The following ZNF66 variants were observed in gnomAD, a reference collection of about 807,000 sequenced individuals.
ZNF66 encodes zinc finger protein 66, also known as putative zinc finger protein 66.
ZNF66 carries 32 observed loss-of-function variants against 35.2 expected under a neutral mutation model. The ratio of observed to expected loss-of-function variants is 0.91; its 90% CI spans 0.69 to 1.22. The LOEUF (loss-of-function observed/expected upper bound fraction) is 1.22. Ranked by LOEUF, ZNF66 falls within the 50% of genes most tolerant of loss-of-function variation. ZNF66 has a pLI of 0.00. For missense variants in ZNF66, 666 were observed against 543.1 expected (o/e 1.23, Z -2.25); for synonymous variants, 231 against 181.3 (o/e 1.27, Z -2.20).
At chr19:20,781,587 T>A (rs8101211) in intron 1 of ZNF66, among the ~76,000 whole-genome samples, 2 of 151,320 alleles carry the variant, frequency 1.3e-5, no homozygotes, top group Non-Finnish European at 2.9e-5. Context: ...TAGGCTCACC[T>A]CAACTTCCAC....
intron 3 of ZNF66, among the ~76,000 whole-genome samples, chr19:20,797,057 G>A (rs561364383): frequency 6.6e-6 from 1 of 152,000 alleles, no homozygotes; most frequent in South Asian, 2.1e-4. Context: ...CACCAAGTTC[G>A]CCAGGCTGGT....
At position 20,776,308 on chromosome 19, in the gene ZNF66, C is replaced by T. The variant is rs1412206832; in HGVS notation, c.-140C>T. The T allele has an allele frequency of 4.4e-6, 6 of 1,378,758 alleles. No homozygotes were observed. Among genetic ancestry groups the T allele is most frequent in the South Asian group, 1.2e-5 (1 of 85,568 alleles). 85.4% of individuals were successfully genotyped at this position (1,378,758 alleles called of 1,614,324 possible). A position where few individuals can be genotyped will look rare whatever the true frequency, so the allele number is the denominator to read the frequency against. On this transcript the variant is annotated 5_prime_UTR_variant, in exon 1 of 4. Transcript: ENST00000344519. ...TCCGGATTTGGCGGGGTCTTTGTCTCTCCCTGCAGCTGGAGCTCCAGGTCG... is the reference window on the plus strand; with the variant it reads ...TCCGGATTTGGCGGGGTCTTTGTCTTTCCCTGCAGCTGGAGCTCCAGGTCG...
rs528657620 is a variant in ZNF66 at position 20,809,254 on chromosome 19, C to A, written c.*1932C>A. Reference sequence around the variant, plus strand: ...GAATGGAACCAACTTGGAAAACACTCTGCAGGATATTATCCAGGAGAACTT... The same window carrying A: ...GAATGGAACCAACTTGGAAAACACTATGCAGGATATTATCCAGGAGAACTT... On this transcript the variant is annotated 3_prime_UTR_variant, in exon 4 of 4. Coordinates refer to ENST00000344519, the MANE Select transcript of ZNF66 (RefSeq NM_001355197.2). 6.6e-6 allele frequency among the ~76,000 whole-genome samples: 1 copy of A among 152,282 alleles called. No individual in the cohort carries two copies. Among genetic ancestry groups the A allele is most frequent in the East Asian group, 1.9e-4 (1 of 5,178 alleles).
rs1326296791 is a variant in ZNF66, at chr19:20,797,569, G to GT, written c.226+3703dup. The stretch of plus-strand genomic sequence containing the variant: ...TATATTAGTGTGTTTTTCAGTGTAG[G>GT]TTTTTTTTTTTTGGGATGGAGTCTT... On this transcript the variant is annotated intron_variant, in intron 3 of 3. Coordinates refer to ENST00000344519, the MANE Select transcript of ZNF66 (RefSeq NM_001355197.2). 5.1e-3 allele frequency among the ~76,000 whole-genome samples: 708 copies of GT among 138,972 alleles called. 8 individuals are homozygous for GT. The highest frequency in any genetic ancestry group is 0.036 in the South Asian group (158 of 4,382). 91.2% of individuals were successfully genotyped at this position (138,972 alleles called of 152,430 possible). A position where few individuals can be genotyped will look rare whatever the true frequency, so the allele number is the denominator to read the frequency against.
In ZNF66 at chr19:20,808,232, G is replaced by C. The variant is rs1294492131; in HGVS notation, c.*910G>C. On this transcript the variant is annotated 3_prime_UTR_variant, in exon 4 of 4. Transcript: ENST00000344519. ...CTAGAACTGGGTGGAGCCCACCACA[G>C]CTCAAGGAGGCCTGCCTGCCTCTGT... Among the ~76,000 whole-genome samples, 1 of 152,224 alleles carries C rather than the reference G, an allele frequency of 6.6e-6. No homozygotes were observed. The highest frequency in any genetic ancestry group is 2.4e-5 in the African/African-American group (1 of 41,468).
In ZNF66 at chr19:20,806,073, CA is replaced by C; in HGVS notation, c.476del (p.Asn159IlefsTer7). 1.2e-6 allele frequency: 1 copy of C among 861,590 alleles called. No homozygotes were observed. The highest frequency in any genetic ancestry group is 1.4e-5 in the South Asian group (1 of 69,128). The allele number at this position is 861,590 out of a possible 1,614,324, so 53.4% of individuals were successfully genotyped here. A position where few individuals can be genotyped will look rare whatever the true frequency, so the allele number is the denominator to read the frequency against. On this transcript the variant is annotated frameshift_variant, in exon 4 of 4. Coordinates refer to ENST00000344519, the MANE Select transcript of ZNF66 (RefSeq NM_001355197.2). LOFTEE classifies it high-confidence loss of function. ...DKHGKVFHQFSNTNRHKIRHT... is the reference protein window; with the variant it reads ...DKHGKVFHQFXNTNRHKIRHT... ...CATGGGAAAGTCTTTCATCAATTTTCAAATACAAACAGACATAAGATAAGAC... is the reference window on the plus strand; with the variant it reads ...CATGGGAAAGTCTTTCATCAATTTTCAATACAAACAGACATAAGATAAGAC...
At chr19:20,789,489 A>C (rs950659643) in intron 1 of ZNF66, among the ~76,000 whole-genome samples, 3 of 152,200 alleles carry the variant, frequency 2.0e-5, no homozygotes, top group Admixed American at 6.5e-5. Context: ...TGTTCTATTA[A>C]AACCAGTGTT....
Position 20,806,467 on chromosome 19 carries a change from A to G in ZNF66, c.867A>G (p.Glu289=), listed in dbSNP as rs1047880734. 7.1e-6 allele frequency: 11 copies of G among 1,538,566 alleles called. No homozygotes were observed. The African/African-American group carries it at 1.5e-4, about 21-fold the overall frequency. The change falls in exon 4 of 4, where the codon GAA becomes GAG. Residue 289 remains glutamate, a synonymous_variant. Coordinates refer to ENST00000344519, the MANE Select transcript of ZNF66 (RefSeq NM_001355197.2). ...HTGEKPYKCE[E]CGKVFKYLSS... Reference sequence around the variant, plus strand: ...GAGAGAAACCCTACAAATGTGAAGAATGTGGCAAAGTTTTTAAGTACCTTT... The same window carrying G: ...GAGAGAAACCCTACAAATGTGAAGAGTGTGGCAAAGTTTTTAAGTACCTTT...
Position 20,808,788 on chromosome 19 carries a change from C to T in ZNF66, c.*1466C>T, listed in dbSNP as rs1426700899. Among the ~76,000 whole-genome samples, 1 of 150,646 alleles carries T rather than the reference C, an allele frequency of 6.6e-6. No homozygotes were observed. Among genetic ancestry groups the T allele is most frequent in the African/African-American group, 2.4e-5 (1 of 40,924 alleles). On this transcript the variant is annotated 3_prime_UTR_variant, in exon 4 of 4. Coordinates refer to ENST00000344519, the MANE Select transcript of ZNF66 (RefSeq NM_001355197.2). The stretch of plus-strand genomic sequence containing the variant: ...ACTGGAAAGTCTAAAAAGCAGAGCA[C>T]CTCTCCTCCTCCAAAGGAACACAGT...
chr19:20,805,636 A>T (rs185587637), intron 3 of ZNF66, among the ~76,000 whole-genome samples, 191 bp from the exon 4 acceptor site: 1 of 152,226 alleles, frequency 6.6e-6, no homozygotes, highest in African/African-American at 2.4e-5. Context: ...ACTCATTTAT[A>T]AATTTTTTAC....
intron 3 of ZNF66, among the ~76,000 whole-genome samples, chr19:20,800,823 C>G (rs1971440834): frequency 1.3e-5 from 2 of 152,100 alleles, no homozygotes; most frequent in South Asian, 2.1e-4. Flanking sequence ...AAGTATTGCT[C>G]TATATGCAAA....
chr19:20,778,047 A>G (rs1392926939), intron 1 of ZNF66, among the ~76,000 whole-genome samples: 1 of 152,178 alleles, frequency 6.6e-6, no homozygotes, highest in Non-Finnish European at 1.5e-5. Flanking sequence ...GTGATGAAAC[A>G]TGGTACCTTC....
intron 3 of ZNF66, among the ~76,000 whole-genome samples, chr19:20,800,407 A>C (rs34210363): frequency 0.038 from 5,837 of 152,274 alleles, 118 homozygotes; most frequent in African/African-American, 0.053. Flanking sequence ...AGAGTATTTT[A>C]TGTATCTATG....
chr19:20,809,093 GATGAAATGA>G lies in ZNF66; in HGVS notation c.*1782_*1790del, dbSNP rs1363321656. On this transcript the variant is annotated 3_prime_UTR_variant, in exon 4 of 4. Transcript: ENST00000344519. ...GGAAGAAAGGGTATCAGTGATGGAA[GATGAAATGA>G]ATGAAATGAAGTGAGAAGGGAAGTT... Among the ~76,000 whole-genome samples the G allele has an allele frequency of 2.0e-5, 3 of 152,044 alleles. No homozygotes were observed. Among genetic ancestry groups the G allele is most frequent in the South Asian group, 2.1e-4 (1 of 4,822 alleles).
rs1369183956 is a variant in ZNF66, at chr19:20,785,765, G to T, written c.4-6747G>T. The stretch of plus-strand genomic sequence containing the variant: ...CTTCTTTTTCTGTTTTTGTTTGTTT[G>T]TTTGTTTGTTTTTTGAGATAGAGGT... On this transcript the variant is annotated intron_variant, in intron 1 of 3. Coordinates refer to ENST00000344519, the MANE Select transcript of ZNF66 (RefSeq NM_001355197.2). Among the ~76,000 whole-genome samples, 883 of 127,028 alleles carry T rather than the reference G, an allele frequency of 7.0e-3. 10 individuals are homozygous for T. The highest frequency in any genetic ancestry group is 0.024 in the African/African-American group (855 of 35,342). 83.3% of individuals were successfully genotyped at this position (127,028 alleles called of 152,430 possible).
chr19:20,807,892 A>T lies in ZNF66; in HGVS notation c.*570A>T, dbSNP rs554442324. On this transcript the variant is annotated 3_prime_UTR_variant, in exon 4 of 4. Transcript: ENST00000344519. ...CAGTGGGTGCAGTGCACTGTGCATG[A>T]GCTGAAGCAGGGCGAGGCATTGCCT... Among the ~76,000 whole-genome samples, 2 of 152,312 alleles carry T rather than the reference A, an allele frequency of 1.3e-5. No homozygotes were observed. Among genetic ancestry groups the T allele is most frequent in the Admixed American group, 1.3e-4 (2 of 15,292 alleles).
rs141302212 is a variant in ZNF66 at position 20,779,853 on chromosome 19, G to A, written c.3+3403G>A. On this transcript the variant is annotated intron_variant, in intron 1 of 3. Transcript: ENST00000344519. ...TGAGGCAGGAGAATCGCTTGAACTC[G>A]GGAGGTAAATGTTGTACTGAGCTGA... 1.3e-4 allele frequency among the ~76,000 whole-genome samples: 19 copies of A among 151,546 alleles called. No homozygotes were observed. In the East Asian group the frequency reaches 2.9e-3, roughly 23 times the overall value.
intron 3 of ZNF66, among the ~76,000 whole-genome samples, chr19:20,797,189 A>AT (rs142052913): frequency 0.012 from 545 of 45,460 alleles, 162 homozygotes; most frequent in African/African-American, 0.021. Context: ...TGCATGCTAG[A>AT]TTTTTTTTTT....
chr19:20,783,938 C>T (rs1971265881), intron 1 of ZNF66, among the ~76,000 whole-genome samples: 1 of 152,188 alleles, frequency 6.6e-6, no homozygotes, highest in African/African-American at 2.4e-5. Flanking sequence ...CTGACTGCAA[C>T]TGCTGCCTCC....
Sources: allele counts gnomAD v4.1 joint callset (sites outside exome capture counted in the v4.1 genomes callset), GRCh38; gene constraint gnomAD v4.1.1; transcripts MANE v1.5; gene names NCBI Gene and HGNC (gene_info 2026-07-23, HGNC 2026-07-21).